The following DYTN variants were observed in gnomAD, a reference collection of about 807,000 sequenced individuals.
DYTN encodes dystrotelin.
Under a neutral mutation model 69.6 loss-of-function variants are expected in DYTN, and 75 were observed. The observed-to-expected ratio is 1.08, with a 90% CI of 0.89 to 1.31. The LOEUF is 1.31. Among genes scored for constraint, DYTN ranks in the 50% most tolerant of loss-of-function variants. The pLI is 0.00. For missense variants in DYTN, 726 were observed against 688.4 expected (o/e 1.05, Z -0.61); for synonymous variants, 252 against 249.1 (o/e 1.01, Z -0.11).
At chr2:206,678,004 TA>T in intron 9 of DYTN, among the ~76,000 whole-genome samples, 1 of 151,854 alleles carries the variant, frequency 6.6e-6, no homozygotes, top group Non-Finnish European at 1.5e-5. Flanking sequence ...AAAAAAAGAC[TA>T]ACGCTTTTAT....
intron 7 of DYTN, 111 bp downstream of exon 7, chr2:206,699,616 C>A: frequency 7.5e-7 from 1 of 1,335,036 alleles, no homozygotes; most frequent in Non-Finnish European, 9.9e-7. Flanking sequence ...AAAAAGTCAA[C>A]TGAATTTCAG....
At chr2:206,684,419 C>A (rs1267663753) in intron 9 of DYTN, among the ~76,000 whole-genome samples, 1 of 152,170 alleles carries the variant, frequency 6.6e-6, no homozygotes, top group African/African-American at 2.4e-5. Context: ...ATCCTCCTAC[C>A]TCAGCCTCCC....
In DYTN at chr2:206,699,875, T is replaced by C. The variant is rs747906960; in HGVS notation, c.571A>G (p.Ile191Val). Residue 191 changes from isoleucine (I) to valine (V), a missense_variant, in exon 7 of 12, where the codon ATC becomes GTC. By Grantham distance (29) the Ile-to-Val change is conservative. Coordinates refer to ENST00000452335, the MANE Select transcript of DYTN (RefSeq NM_001093730.1). ...CAAGACAGGAATTTTTCTTCTTTGATTGCTGGGCTCAACACCTGAAAAACA... is the reference window on the plus strand; with the variant it reads ...CAAGACAGGAATTTTTCTTCTTTGACTGCTGGGCTCAACACCTGAAAAACA... ...SCFQGVLSPA[I>V]KEEKFLSWVQ... 6.2e-7 allele frequency: 1 copy of C among 1,613,328 alleles called. No homozygotes were observed. Among genetic ancestry groups the C allele is most frequent in the Non-Finnish European group, 8.5e-7 (1 of 1,179,664 alleles).
chr2:206,675,250 CAT>C lies in DYTN; in HGVS notation c.981-9223_981-9222del, dbSNP rs954003636. On this transcript the variant is annotated intron_variant, in intron 9 of 11. Coordinates refer to ENST00000452335, the MANE Select transcript of DYTN (RefSeq NM_001093730.1). ...ATATATATGTATATATGTAAATAAA[CAT>C]ATATATGTGTATATATGTATGTATG... Among the ~76,000 whole-genome samples, 13 of 140,980 alleles carry C rather than the reference CAT, an allele frequency of 9.2e-5. No homozygotes were observed. In the East Asian group the frequency reaches 2.2e-3, roughly 24 times the overall value. The allele number at this position is 140,980 out of a possible 152,430, so 92.5% of individuals were successfully genotyped here. A position where few individuals can be genotyped will look rare whatever the true frequency, so the allele number is the denominator to read the frequency against.
intron 9 of DYTN, among the ~76,000 whole-genome samples, chr2:206,666,889 AC>A (rs1699578374): frequency 2.0e-5 from 3 of 151,898 alleles, no homozygotes; most frequent in African/African-American, 4.8e-5. Context: ...ACACACACAC[AC>A]ACACACAAAT....
chr2:206,691,940 C>G (rs1699867523), intron 9 of DYTN, among the ~76,000 whole-genome samples: 1 of 152,018 alleles, frequency 6.6e-6, no homozygotes, highest in Admixed American at 6.5e-5. Flanking sequence ...TTCTTATAGT[C>G]CTAGTAGGCA....
At chr2:206,672,025 G>T (rs1465956151) in intron 9 of DYTN, among the ~76,000 whole-genome samples, 1 of 152,114 alleles carries the variant, frequency 6.6e-6, no homozygotes, top group African/African-American at 2.4e-5. Context: ...CTTTGGGCAG[G>T]TGCATGCGCG....
At chr2:206,680,197 CT>C (rs879472648) in intron 9 of DYTN, among the ~76,000 whole-genome samples, 3 of 152,190 alleles carry the variant, frequency 2.0e-5, no homozygotes, top group Admixed American at 1.3e-4. Context: ...AAAAGCACGT[CT>C]TACATGGCAG....
intron 1 of DYTN, among the ~76,000 whole-genome samples, chr2:206,712,288 G>T (rs964441692): frequency 6.6e-6 from 1 of 152,146 alleles, no homozygotes; most frequent in Non-Finnish European, 1.5e-5. Context: ...ACGAAAGTTT[G>T]AAAACTACTG....
chr2:206,659,908 A>G (rs1270066584), intron 11 of DYTN, among the ~76,000 whole-genome samples: 1 of 152,192 alleles, frequency 6.6e-6, no homozygotes, highest in Non-Finnish European at 1.5e-5. Flanking sequence ...ATATAAAAGA[A>G]GGGAAAGTGA....
chr2:206,707,500 T>C lies in DYTN; in HGVS notation c.98A>G (p.Asp33Gly), dbSNP rs1574603920. The C allele has an allele frequency of 6.2e-7, 1 of 1,607,684 alleles. No homozygotes were observed. Among genetic ancestry groups the C allele is most frequent in the East Asian group, 2.2e-5 (1 of 44,726 alleles). The change falls in exon 3 of 12, where the codon GAC becomes GGC. Residue 33 changes from aspartate (D) to glycine (G), a missense_variant. Physicochemically the swap from Asp to Gly is moderately conservative, Grantham distance 94. Coordinates refer to ENST00000452335, the MANE Select transcript of DYTN (RefSeq NM_001093730.1). The stretch of plus-strand genomic sequence containing the variant: ...CTGAATCAGGGAGCTGTCAATCAAG[T>C]CCACTGTAGGAAGCAAATGAAGAAT... ...LQSVQTLCQL[D>G]LIDSSLIQQV...
At chr2:206,663,563 G>A (rs557624411) in intron 10 of DYTN, among the ~76,000 whole-genome samples, 168 bp from the exon 11 acceptor site, 2 of 152,058 alleles carry the variant, frequency 1.3e-5, no homozygotes, top group Admixed American at 1.3e-4. Flanking sequence ...CTAATTCTAT[G>A]TCAACCTAAA....
chr2:206,699,858 G>A lies in DYTN; in HGVS notation c.588C>T (p.Phe196=). 1 of 1,613,524 alleles carries A rather than the reference G, an allele frequency of 6.2e-7. No homozygotes were observed. Among genetic ancestry groups the A allele is most frequent in the Non-Finnish European group, 8.5e-7 (1 of 1,179,736 alleles). Residue 196 remains phenylalanine (F), a synonymous_variant, in exon 7 of 12, where the codon TTC becomes TTT. Transcript: ENST00000452335. ...VLSPAIKEEK[F]LSWVQSEPPI... is the part of the protein sequence containing the mutation. ...GAGGCTCAGATTGGACCCAAGACAGGAATTTTTCTTCTTTGATTGCTGGGC... is the reference window on the plus strand; with the variant it reads ...GAGGCTCAGATTGGACCCAAGACAGAAATTTTTCTTCTTTGATTGCTGGGC...
chr2:206,669,877 A>G (rs1699611533), intron 9 of DYTN, among the ~76,000 whole-genome samples: 1 of 152,252 alleles, frequency 6.6e-6, no homozygotes, highest in Admixed American at 6.5e-5. Flanking sequence ...CATTTAGATT[A>G]GGAAGCATAT....
chr2:206,694,188 T>C (rs1699894662), intron 8 of DYTN, among the ~76,000 whole-genome samples: 1 of 152,258 alleles, frequency 6.6e-6, no homozygotes, highest in Non-Finnish European at 1.5e-5. Context: ...TGTACTATGC[T>C]GTTTCTCTTC....
intron 11 of DYTN, among the ~76,000 whole-genome samples, chr2:206,652,402 T>G (rs942981964): frequency 6.6e-6 from 1 of 152,134 alleles, no homozygotes; most frequent in Non-Finnish European, 1.5e-5. Context: ...GGTTTGAGTG[T>G]CCCCTATGAT....
chr2:206,695,814 G>C (rs886732812), intron 7 of DYTN, among the ~76,000 whole-genome samples: 4 of 152,214 alleles, frequency 2.6e-5, no homozygotes, highest in Non-Finnish European at 5.9e-5. Context: ...GTGAGAACCA[G>C]GCAGCAGCTA....
intron 9 of DYTN, among the ~76,000 whole-genome samples, chr2:206,683,553 A>G (rs1419500937): frequency 6.6e-6 from 1 of 151,838 alleles, no homozygotes; most frequent in Non-Finnish European, 1.5e-5. Context: ...CATGTTGGCC[A>G]TGCTGGTATC....
At chr2:206,676,376 A>C (rs913975997) in intron 9 of DYTN, among the ~76,000 whole-genome samples, 1 of 152,142 alleles carries the variant, frequency 6.6e-6, no homozygotes, top group Non-Finnish European at 1.5e-5. Context: ...GGAGCTGAAC[A>C]ATGAGAACAC....
Sources: allele counts gnomAD v4.1 joint callset (sites outside exome capture counted in the v4.1 genomes callset), GRCh38; gene constraint gnomAD v4.1.1; transcripts MANE v1.5; gene names NCBI Gene and HGNC (gene_info 2026-07-23, HGNC 2026-07-21).